PDE11A: variants seen among roughly 807,000 people sequenced by gnomAD.
The protein encoded by PDE11A is phosphodiesterase 11A, also known as dual 3',5'-cyclic-AMP and -GMP phosphodiesterase 11A.
PDE11A carries 100 observed loss-of-function variants against 100.5 expected under a neutral mutation model. The observed-to-expected ratio is 1.00, with a 90% confidence interval of 0.85 to 1.18. The LOEUF is 1.18. Among genes scored for constraint, PDE11A ranks in the 50% most tolerant of loss-of-function variants. The probability of loss-of-function intolerance (pLI) is 0.00; values close to 1 mark genes in which losing one functional copy is unlikely to be tolerated. For synonymous variants in PDE11A, 381 were observed against 420.8 expected, an observed-to-expected ratio of 0.91 and a Z score of 1.16; for missense variants, 1,141 against 1,152.6, an observed-to-expected ratio of 0.99 and a Z score of 0.15.
intron 2 of PDE11A, among the ~76,000 whole-genome samples, chr2:177,951,878 A>G (rs1308001021): frequency 2.0e-5 from 3 of 152,210 alleles, no homozygotes; most frequent in South Asian, 2.1e-4. Flanking sequence ...CTTTGCAAAC[A>G]TTCTTAGAGG....
At chr2:177,923,717 G>T (rs965285178) in intron 2 of PDE11A, among the ~76,000 whole-genome samples, 2 of 152,178 alleles carry the variant, frequency 1.3e-5, no homozygotes, top group Non-Finnish European at 2.9e-5. Context: ...GATAATAAAT[G>T]TACACAAATA....
rs72958074 is a variant in PDE11A, at chr2:178,080,596, C to T, written c.162+23706G>A. On this transcript the variant is annotated intron_variant, in intron 2 of 20. Transcript: ENST00000358450. ...AGAAATAAATATTAAGCACTGATGCCTTTCTTCTTAATTGCCATGCCTTTA... is the reference window on the plus strand; with the variant it reads ...AGAAATAAATATTAAGCACTGATGCTTTTCTTCTTAATTGCCATGCCTTTA... Among the ~76,000 whole-genome samples, 597 of 152,224 alleles carry T rather than the reference C, an allele frequency of 3.9e-3. 4 individuals are homozygous for T. Among genetic ancestry groups the T allele is most frequent in the Non-Finnish European group, 5.4e-3 (369 of 67,998 alleles).
chr2:177,837,716 A>G (rs1011602803), intron 6 of PDE11A, among the ~76,000 whole-genome samples: 3 of 152,118 alleles, frequency 2.0e-5, no homozygotes, highest in African/African-American at 7.2e-5. Flanking sequence ...TGTTGTAAAA[A>G]CTGCTTACCT....
At position 177,991,530 on chromosome 2, in the gene PDE11A, G is replaced by T. The variant is rs762496521; in HGVS notation, c.1071+22772C>A. ...GGCACTTGTAATCCCACCTACTCGG[G>T]AGGCTGAGGTAGGAGTATCACTTGA... On this transcript the variant is annotated intron_variant, in intron 2 of 19. Coordinates refer to ENST00000286063, the MANE Select transcript of PDE11A (RefSeq NM_016953.4). 2.6e-4 allele frequency among the ~76,000 whole-genome samples: 39 copies of T among 150,388 alleles called. 1 individual carries two copies. The highest frequency in any genetic ancestry group is 1.9e-3 in the South Asian group (9 of 4,646).
At chr2:177,833,816 G>A (rs1050324829) in intron 6 of PDE11A, among the ~76,000 whole-genome samples, 6 of 152,226 alleles carry the variant, frequency 3.9e-5, no homozygotes, top group African/African-American at 1.4e-4. Context: ...AGACAAAGGC[G>A]TAGACAGATA....
chr2:177,919,200 C>T (rs968055621), intron 2 of PDE11A, among the ~76,000 whole-genome samples: 1 of 130,470 alleles, frequency 7.7e-6, no homozygotes, highest in Non-Finnish European at 1.7e-5. Context: ...CGGGTTCAAG[C>T]GATTCTTCTG....
At chr2:177,990,731 C>G (rs1316635605) in intron 2 of PDE11A, among the ~76,000 whole-genome samples, 1 of 141,598 alleles carries the variant, frequency 7.1e-6, no homozygotes, top group Non-Finnish European at 1.5e-5. Flanking sequence ...GAGCGAGACT[C>G]TGTCTCAAAA....
At chr2:177,662,744 A>G (rs1054227338) in intron 19 of PDE11A, among the ~76,000 whole-genome samples, 6 of 152,246 alleles carry the variant, frequency 3.9e-5, no homozygotes, top group Admixed American at 6.5e-5. Flanking sequence ...ATTTTATGGT[A>G]TCATGTATTT....
intron 2 of PDE11A, among the ~76,000 whole-genome samples, chr2:177,958,105 G>C (rs1344752898): frequency 6.6e-6 from 1 of 151,858 alleles, no homozygotes; most frequent in Non-Finnish European, 1.5e-5. Context: ...TGGCTAGGCT[G>C]GTCTTCAACT....
chr2:177,800,707 A>C (rs1448554414), intron 9 of PDE11A, among the ~76,000 whole-genome samples: 1 of 152,154 alleles, frequency 6.6e-6, no homozygotes, highest in Admixed American at 6.5e-5. Flanking sequence ...TACATAAGGG[A>C]TCCAGAATCC....
At chr2:177,731,270 G>C (rs115767089) in intron 10 of PDE11A, among the ~76,000 whole-genome samples, 1 of 152,034 alleles carries the variant, frequency 6.6e-6, no homozygotes, top group East Asian at 1.9e-4. Context: ...TTTCCTTAGC[G>C]GCCTGATAAT....
At position 177,633,083 on chromosome 2, in the gene PDE11A, G is replaced by C. The variant is rs537162862; in HGVS notation, c.2647-3521C>G. ...TGAGATTATTAGCCTATGGAAAGGT[G>C]ATTTCCCACTTTATGCTTTGGGTTA... On this transcript the variant is annotated intron_variant, in intron 19 of 19. Coordinates refer to ENST00000286063, the MANE Select transcript of PDE11A (RefSeq NM_016953.4). 3.3e-5 allele frequency among the ~76,000 whole-genome samples: 5 copies of C among 152,354 alleles called. No homozygotes were observed. The South Asian group carries it at 1.0e-3, about 32-fold the overall frequency.
intron 19 of PDE11A, among the ~76,000 whole-genome samples, chr2:177,642,720 A>C (rs1277642681): frequency 6.6e-6 from 1 of 152,136 alleles, no homozygotes. Flanking sequence ...TGCTGTTGGA[A>C]TATTGATATG....
intron 7 of PDE11A, among the ~76,000 whole-genome samples, chr2:177,818,340 G>A (rs1029557080): frequency 1.3e-5 from 2 of 149,232 alleles, no homozygotes; most frequent in African/African-American, 5.0e-5. Context: ...ATACTCTGAA[G>A]CACAATACTT....
At chr2:177,812,297 C>G (rs191734116) in intron 9 of PDE11A, among the ~76,000 whole-genome samples, 20 of 152,104 alleles carry the variant, frequency 1.3e-4, no homozygotes. Flanking sequence ...AGGTCAATAG[C>G]TACTGAACCA....
At chr2:177,691,943 C>G (rs1331043772) in intron 15 of PDE11A, among the ~76,000 whole-genome samples, 1 of 152,228 alleles carries the variant, frequency 6.6e-6, no homozygotes, top group South Asian at 2.1e-4. Context: ...TAGAAAATAC[C>G]TTTCCTTTCC....
intron 3 of PDE11A, among the ~76,000 whole-genome samples, chr2:177,899,974 T>C (rs1454580138): frequency 6.6e-6 from 1 of 151,998 alleles, no homozygotes; most frequent in Admixed American, 6.6e-5. Context: ...TTGAAAACTG[T>C]GTACTTATTT....
intron 12 of PDE11A, among the ~76,000 whole-genome samples, chr2:177,712,962 T>C (rs2081377812): frequency 6.6e-6 from 1 of 152,148 alleles, no homozygotes; most frequent in Non-Finnish European, 1.5e-5. Context: ...TTTAAATTGG[T>C]TATGTTTGTG....
At chr2:177,744,480 A>G (rs1017591371) in intron 10 of PDE11A, among the ~76,000 whole-genome samples, 3 of 152,098 alleles carry the variant, frequency 2.0e-5, no homozygotes, top group African/African-American at 7.2e-5. Context: ...TGAATCACTG[A>G]GTGCTGAGAT....
Sources: gnomAD v4.1 joint callset for allele counts (sites outside exome capture counted in the v4.1 genomes callset) on GRCh38, gnomAD v4.1.1 for gene constraint, MANE v1.5 for transcripts, NCBI Gene and HGNC (gene_info 2026-07-23, HGNC 2026-07-21) for gene names.